Variants in CWC27 observed in about 807,000 individuals in gnomAD.
The protein encoded by CWC27 is spliceosome-associated protein CWC27 homolog.
Under a neutral mutation model 63.6 loss-of-function variants are expected in CWC27, and 47 were observed. That is an observed-to-expected ratio of 0.74 (90% CI 0.58 to 0.94). CWC27 has a LOEUF of 0.94. CWC27 is among the 40% of genes least tolerant of loss of function. The probability of loss-of-function intolerance (pLI) is 0.00; values close to 1 mark genes in which losing one functional copy is unlikely to be tolerated. For missense variants in CWC27, 495 were observed against 554.3 expected (o/e 0.89, Z 1.07); for synonymous variants, 175 against 179.8 (o/e 0.97, Z 0.22).
intron 10 of CWC27, 43 bp downstream of exon 10, chr5:64,804,429 T>C (rs765918730): frequency 1.3e-6 from 2 of 1,509,310 alleles, no homozygotes; most frequent in Admixed American, 2.1e-5. Flanking sequence ...TTTGTCTTTT[T>C]ATATTTCACT....
intron 10 of CWC27, among the ~76,000 whole-genome samples, chr5:64,841,525 G>C (rs941296775): frequency 6.6e-6 from 1 of 152,122 alleles, no homozygotes; most frequent in Non-Finnish European, 1.5e-5. Context: ...AAATTTGAAA[G>C]TCATCCTGAA....
At chr5:64,909,869 G>A (rs1332202828) in intron 11 of CWC27, among the ~76,000 whole-genome samples, 3 of 152,056 alleles carry the variant, frequency 2.0e-5, no homozygotes, top group African/African-American at 4.8e-5. Flanking sequence ...CAATGGGTTC[G>A]ACCATCCTGC....
intron 10 of CWC27, among the ~76,000 whole-genome samples, chr5:64,818,866 T>A (rs1475121680): frequency 1.3e-5 from 2 of 152,220 alleles, no homozygotes; most frequent in Non-Finnish European, 2.9e-5. Flanking sequence ...AGTGAAGTTT[T>A]AAAAATTATG....
At chr5:64,817,408 A>G (rs894888256) in intron 10 of CWC27, among the ~76,000 whole-genome samples, 2 of 152,060 alleles carry the variant, frequency 1.3e-5, no homozygotes, top group Admixed American at 6.6e-5. Flanking sequence ...GTTAGGATCT[A>G]CTCCTCTAAA....
At chr5:64,875,784 A>G (rs17808135) in intron 10 of CWC27, among the ~76,000 whole-genome samples, 4,062 of 152,188 alleles carry the variant, frequency 0.027, 62 homozygotes, top group Middle Eastern at 0.044. Flanking sequence ...CTCTTTTGTT[A>G]GACTGAGATC....
chr5:64,831,089 T>A (rs1209549512), intron 10 of CWC27, among the ~76,000 whole-genome samples: 5 of 152,072 alleles, frequency 3.3e-5, no homozygotes, highest in Admixed American at 3.3e-4. Flanking sequence ...AGCCACACAT[T>A]TGATTTTGTG....
intron 13 of CWC27, among the ~76,000 whole-genome samples, chr5:64,985,696 T>C (rs1180589411): frequency 1.3e-5 from 2 of 152,210 alleles, no homozygotes; most frequent in East Asian, 1.9e-4. Flanking sequence ...CAGGCAGTTT[T>C]ATTTCTTTCT....
At chr5:64,827,187 TA>T (rs1203665863) in intron 10 of CWC27, among the ~76,000 whole-genome samples, 2 of 152,170 alleles carry the variant, frequency 1.3e-5, no homozygotes, top group Non-Finnish European at 2.9e-5. Context: ...CACAAAATTG[TA>T]AACTTCTCTA....
At chr5:64,999,503 C>G (rs1418628070) in intron 13 of CWC27, among the ~76,000 whole-genome samples, 4 of 152,050 alleles carry the variant, frequency 2.6e-5, no homozygotes, top group Admixed American at 2.6e-4. Flanking sequence ...ACCACCCTTC[C>G]CAGCCCCTGG....
At chr5:64,891,064 A>G (rs930475806) in intron 11 of CWC27, among the ~76,000 whole-genome samples, 12 of 152,244 alleles carry the variant, frequency 7.9e-5, no homozygotes, top group Admixed American at 5.2e-4. Flanking sequence ...TTATGGAAAT[A>G]CTTGTTAAAC....
intron 10 of CWC27, among the ~76,000 whole-genome samples, chr5:64,837,525 A>G (rs1214867655): frequency 6.6e-6 from 1 of 151,896 alleles, no homozygotes; most frequent in Non-Finnish European, 1.5e-5. Flanking sequence ...TTTGTGAAGA[A>G]ACCAGAAAAT....
chr5:64,813,009 T>G (rs1049391810), intron 10 of CWC27, among the ~76,000 whole-genome samples: 8 of 152,182 alleles, frequency 5.3e-5, no homozygotes, highest in Non-Finnish European at 7.3e-5. Flanking sequence ...CAATTTCATA[T>G]GTATGACTCT....
chr5:64,826,066 C>G (rs1343149450), intron 10 of CWC27, among the ~76,000 whole-genome samples: 1 of 113,010 alleles, frequency 8.8e-6, no homozygotes, highest in South Asian at 3.1e-4. Context: ...TAAGCTAATT[C>G]TTTGTAATAA....
At chr5:64,799,602 A>ATATATG (rs143997810) in intron 7 of CWC27, among the ~76,000 whole-genome samples, 1,720 of 132,874 alleles carry the variant, frequency 0.013, 146 homozygotes, top group African/African-American at 0.047. Flanking sequence ...ATATATATAT[A>ATATATG]CTTAATAGCA....
intron 13 of CWC27, among the ~76,000 whole-genome samples, chr5:64,993,066 A>G (rs962823860): frequency 6.6e-6 from 1 of 152,116 alleles, no homozygotes; most frequent in African/African-American, 2.4e-5. Flanking sequence ...CTAAGCCTCA[A>G]TTTCTTCACC....
chr5:64,873,206 A>C (rs1426644112), intron 10 of CWC27, among the ~76,000 whole-genome samples: 1 of 152,204 alleles, frequency 6.6e-6, no homozygotes, highest in Non-Finnish European at 1.5e-5. Flanking sequence ...GCATTATTTT[A>C]AAAATAGCCA....
chr5:64,976,300 G>C (rs1749227540), intron 12 of CWC27, among the ~76,000 whole-genome samples: 1 of 151,932 alleles, frequency 6.6e-6, no homozygotes, highest in African/African-American at 2.4e-5. Context: ...TCATCTTAAA[G>C]TTACCAGTAT....
chr5:64,812,226 A>T (rs1007221506), intron 10 of CWC27, among the ~76,000 whole-genome samples: 8 of 151,900 alleles, frequency 5.3e-5, no homozygotes, highest in Admixed American at 1.3e-4. Context: ...AGTACAAATT[A>T]AAAAAAACAG....
At chr5:64,866,923 A>G (rs1746543122) in intron 10 of CWC27, among the ~76,000 whole-genome samples, 1 of 152,094 alleles carries the variant, frequency 6.6e-6, no homozygotes, top group Non-Finnish European at 1.5e-5. Context: ...ATCACTCACT[A>G]CAAGGTATGA....
Sources: allele counts gnomAD v4.1 joint callset (sites outside exome capture counted in the v4.1 genomes callset), GRCh38; gene constraint gnomAD v4.1.1; transcripts MANE v1.5; gene names NCBI Gene and HGNC (gene_info 2026-07-23, HGNC 2026-07-21).